The following MYH15 variants were observed in gnomAD, a reference collection of about 807,000 sequenced individuals.
The protein encoded by MYH15 is myosin-15.
Under a neutral mutation model 240.5 loss-of-function variants are expected in MYH15, and 227 were observed. The ratio of observed to expected loss-of-function variants is 0.94; its 90% CI spans 0.85 to 1.05. The LOEUF (loss-of-function observed/expected upper bound fraction) is 1.05, where lower values mean the gene tolerates loss of function less well. Among genes scored for constraint, MYH15 ranks in the 50% least tolerant of loss-of-function variants. The pLI is 0.00. For synonymous variants in MYH15, 785 were observed against 796.7 expected (o/e 0.99, Z 0.25); for missense variants, 2,217 against 2,247.5 (o/e 0.99, Z 0.27).
At chr3:108,422,854 G>C (rs1355416119) in intron 27 of MYH15, among the ~76,000 whole-genome samples, 1 of 152,234 alleles carries the variant, frequency 6.6e-6, no homozygotes, top group Non-Finnish European at 1.5e-5. Context: ...TTTCAAAGGT[G>C]ATGCCAGGTT....
At chr3:108,410,385 G>A (rs1165520492) in intron 31 of MYH15, among the ~76,000 whole-genome samples, 198 bp downstream of exon 31, 1 of 152,082 alleles carries the variant, frequency 6.6e-6, no homozygotes, top group African/African-American at 2.4e-5. Context: ...TTAAAGGTAG[G>A]AAACTAGTCT....
chr3:108,495,830 C>G lies in MYH15; in HGVS notation c.661G>C (p.Glu221Gln). 6.2e-7 allele frequency: 1 copy of G among 1,612,504 alleles called. No homozygotes were observed. Among genetic ancestry groups the G allele is most frequent in the Non-Finnish European group, 8.5e-7 (1 of 1,179,366 alleles). ...AGGGTTTTAGCATTTCCAAATGCTTCCAAGATAGTATTCGCTTGCATGATT... is the reference window on the plus strand; with the variant it reads ...AGGGTTTTAGCATTTCCAAATGCTTGCAAGATAGTATTCGCTTGCATGATT... ...DQIMQANTILEAFGNAKTLRN... is the reference protein window; with the variant it reads ...DQIMQANTILQAFGNAKTLRN... The change falls in exon 7 of 41, where the codon GAA becomes CAA. Residue 221 changes from glutamate (E) to glutamine (Q), a missense_variant. By Grantham distance (29) the Glu-to-Gln change is conservative (BLOSUM62 2). Coordinates refer to ENST00000693548, the MANE Select transcript of MYH15 (RefSeq NM_014981.3).
intron 28 of MYH15, among the ~76,000 whole-genome samples, chr3:108,420,482 T>C (rs2082673728): frequency 6.6e-6 from 1 of 152,122 alleles, no homozygotes; most frequent in East Asian, 1.9e-4. Flanking sequence ...CCCAAGTCTT[T>C]CCAGAATTAA....
intron 1 of MYH15, among the ~76,000 whole-genome samples, chr3:108,523,364 G>T (rs2083637900): frequency 6.6e-6 from 1 of 151,696 alleles, no homozygotes; most frequent in Admixed American, 6.6e-5. Context: ...ATAAATTAGG[G>T]TCAGAATTAG....
At chr3:108,475,819 G>A (rs928965081) in intron 12 of MYH15, among the ~76,000 whole-genome samples, 1 of 152,116 alleles carries the variant, frequency 6.6e-6, no homozygotes, top group East Asian at 1.9e-4. Flanking sequence ...GTGGCCCTGG[G>A]AATATTTACT....
chr3:108,407,064 A>C (rs933525854), intron 32 of MYH15, among the ~76,000 whole-genome samples: 2 of 152,262 alleles, frequency 1.3e-5, no homozygotes, highest in Non-Finnish European at 2.9e-5. Context: ...GCTGTGCTAC[A>C]GGGCACCACA....
intron 9 of MYH15, among the ~76,000 whole-genome samples, chr3:108,489,317 C>T (rs1173982410): frequency 2.0e-5 from 3 of 151,832 alleles, no homozygotes; most frequent in Non-Finnish European, 4.4e-5. Context: ...GGTCACTTAC[C>T]ATCACTCCTG....
At chr3:108,437,418 G>T in intron 25 of MYH15, 136 bp downstream of exon 25, 6 of 1,120,750 alleles carry the variant, frequency 5.4e-6, no homozygotes, top group South Asian at 1.9e-5. Context: ...AAAAAAAATT[G>T]TTTCCTAGGC....
intron 35 of MYH15, among the ~76,000 whole-genome samples, chr3:108,397,478 T>C (rs975574964): frequency 6.6e-6 from 1 of 152,224 alleles, no homozygotes; most frequent in African/African-American, 2.4e-5. Flanking sequence ...GCTATATCAT[T>C]ATACTTTTAG....
In MYH15 at chr3:108,454,003, T is replaced by C. The variant is rs760303826; in HGVS notation, c.2399+3A>G. The C allele has an allele frequency of 6.2e-7, 1 of 1,610,458 alleles. No individual in the cohort carries two copies. The highest frequency in any genetic ancestry group is 8.5e-7 in the Non-Finnish European group (1 of 1,177,494). Reference sequence around the variant, plus strand: ...GTTGGGGAGCAGGGTGGGCATATAATACCTTTCTTCCAGAATCTTCTGGAA... The same window carrying C: ...GTTGGGGAGCAGGGTGGGCATATAACACCTTTCTTCCAGAATCTTCTGGAA... On this transcript the variant is annotated splice_donor_region_variant and intron_variant, in intron 21 of 40. Transcript: ENST00000693548.
intron 18 of MYH15, among the ~76,000 whole-genome samples, chr3:108,459,028 T>C (rs2083048448): frequency 6.8e-6 from 1 of 147,518 alleles, no homozygotes; most frequent in South Asian, 2.3e-4. Context: ...TAATTGATTA[T>C]TCAATTCCAT....
intron 14 of MYH15, among the ~76,000 whole-genome samples, chr3:108,467,713 A>G (rs1233970204): frequency 6.6e-6 from 1 of 152,230 alleles, no homozygotes; most frequent in African/African-American, 2.4e-5. Flanking sequence ...AGGAAATAAT[A>G]GGGAAAATCT....
At chr3:108,417,439 A>G (rs1434323244) in intron 28 of MYH15, among the ~76,000 whole-genome samples, 1 of 152,204 alleles carries the variant, frequency 6.6e-6, no homozygotes, top group Admixed American at 6.5e-5. Flanking sequence ...CTGTCTATAT[A>G]ATTTTTAGAT....
At chr3:108,508,164 T>C (rs2083492867) in intron 1 of MYH15, among the ~76,000 whole-genome samples, 1 of 152,134 alleles carries the variant, frequency 6.6e-6, no homozygotes, top group Admixed American at 6.5e-5. Context: ...TCTAACACAT[T>C]CTTAGCTTTT....
chr3:108,534,391 T>C, the MYH15 span, among the ~76,000 whole-genome samples: 1 of 152,304 alleles, frequency 6.6e-6, no homozygotes, highest in African/African-American at 2.4e-5. Context: ...ACCAATGACA[T>C]TTAAAGCTAA....
At chr3:108,477,217 C>T (rs951761153) in intron 11 of MYH15, among the ~76,000 whole-genome samples, 1 of 152,112 alleles carries the variant, frequency 6.6e-6, no homozygotes, top group African/African-American at 2.4e-5. Context: ...AGGAGTCAGA[C>T]ACGAAAGGCC....
intron 11 of MYH15, among the ~76,000 whole-genome samples, chr3:108,484,728 C>T (rs191716791): frequency 2.2e-4 from 33 of 152,306 alleles, no homozygotes; most frequent in Admixed American, 5.9e-4. Context: ...GATCCACCCA[C>T]CTCGGCCTCC....
intron 4 of MYH15, 117 bp from the exon 5 acceptor site, chr3:108,499,599 G>T: frequency 1.0e-6 from 1 of 994,198 alleles, no homozygotes; most frequent in Non-Finnish European, 1.5e-6. Context: ...GAAAGGATTA[G>T]CATCATTTAT....
chr3:108,395,625 T>A (rs569087547), intron 35 of MYH15, among the ~76,000 whole-genome samples: 1 of 140,744 alleles, frequency 7.1e-6, no homozygotes, highest in South Asian at 2.3e-4. Context: ...AATTTGTTTT[T>A]TTTTTCTTTC....
Sources: allele counts gnomAD v4.1 joint callset (sites outside exome capture counted in the v4.1 genomes callset), GRCh38; gene constraint gnomAD v4.1.1; transcripts MANE v1.5; gene names NCBI Gene and HGNC (gene_info 2026-07-23, HGNC 2026-07-21).